The following FBXL17 variants were observed in gnomAD, a reference collection of about 807,000 sequenced individuals.
FBXL17 encodes F-box and leucine rich repeat protein 17.
In FBXL17, 22 loss-of-function variants were observed where a neutral mutation model predicts 66.2. The observed-to-expected ratio is 0.33, with a 90% CI of 0.24 to 0.47. The LOEUF is 0.47. FBXL17 is among the 20% of genes least tolerant of loss of function. FBXL17 has a pLI of 1.00. For synonymous variants in FBXL17, 474 were observed against 400.5 expected, an observed-to-expected ratio of 1.18 and a Z score of -2.19; for missense variants, 878 against 948.2, an observed-to-expected ratio of 0.93 and a Z score of 0.97.
At chr5:107,962,833 T>C (rs1256689660) in intron 7 of FBXL17, among the ~76,000 whole-genome samples, 3 of 152,082 alleles carry the variant, frequency 2.0e-5, no homozygotes, top group Non-Finnish European at 2.9e-5. Context: ...TATTTCATGA[T>C]CTATATAGAA....
At chr5:108,054,682 T>G (rs1747618030) in intron 6 of FBXL17, among the ~76,000 whole-genome samples, 1 of 152,216 alleles carries the variant, frequency 6.6e-6, no homozygotes, top group South Asian at 2.1e-4. Context: ...AAGATTTTTC[T>G]CTTATAAGGC....
intron 4 of FBXL17, among the ~76,000 whole-genome samples, chr5:108,227,803 C>G (rs191733945): frequency 2.2e-4 from 33 of 152,296 alleles, no homozygotes; most frequent in Admixed American, 2.0e-3. Context: ...TTTCCTGACA[C>G]TTAGCATTCT....
chr5:108,155,747 T>G (rs1751970605), intron 6 of FBXL17, among the ~76,000 whole-genome samples: 1 of 152,110 alleles, frequency 6.6e-6, no homozygotes, highest in Non-Finnish European at 1.5e-5. Context: ...CCATCAGAGT[T>G]CAGATATAAA....
At chr5:108,356,919 G>A (rs1016787811) in intron 3 of FBXL17, among the ~76,000 whole-genome samples, 3 of 152,026 alleles carry the variant, frequency 2.0e-5, no homozygotes, top group Non-Finnish European at 4.4e-5. Flanking sequence ...TGCATGTGAG[G>A]AATAGGAGTA....
At chr5:108,113,445 T>C (rs1314826711) in intron 6 of FBXL17, among the ~76,000 whole-genome samples, 1 of 152,166 alleles carries the variant, frequency 6.6e-6, no homozygotes, top group Non-Finnish European at 1.5e-5. Flanking sequence ...TACACATATA[T>C]ATATATAAAT....
chr5:107,896,476 A>G (rs1749386739), intron 7 of FBXL17, among the ~76,000 whole-genome samples: 1 of 152,192 alleles, frequency 6.6e-6, no homozygotes, highest in South Asian at 2.1e-4. Flanking sequence ...GTATCCACTT[A>G]AAATACTGTG....
intron 4 of FBXL17, among the ~76,000 whole-genome samples, chr5:108,281,733 C>A (rs570424723): frequency 6.6e-6 from 1 of 151,356 alleles, no homozygotes; most frequent in Non-Finnish European, 1.5e-5. Flanking sequence ...AAAGGATCAA[C>A]AAAACAAAAA....
At chr5:107,974,483 C>T (rs1040749657) in intron 7 of FBXL17, among the ~76,000 whole-genome samples, 1 of 152,176 alleles carries the variant, frequency 6.6e-6, no homozygotes, top group Middle Eastern at 3.4e-3. Flanking sequence ...AATTTCCACT[C>T]AAAAATGTGA....
intron 4 of FBXL17, among the ~76,000 whole-genome samples, chr5:108,293,080 T>C (rs1418779443): frequency 1.6e-5 from 2 of 127,278 alleles, no homozygotes; most frequent in Non-Finnish European, 3.2e-5. Flanking sequence ...AGAGCAAGAC[T>C]CTGTCTCAAA....
chr5:107,935,655 G>C (rs34211937), intron 7 of FBXL17, among the ~76,000 whole-genome samples: 1,586 of 152,040 alleles, frequency 0.01, 12 homozygotes, highest in Non-Finnish European at 0.015. Context: ...ATTTTTTCTT[G>C]GACCATTTTG....
chr5:108,295,089 A>G (rs1758289856), intron 4 of FBXL17, among the ~76,000 whole-genome samples: 1 of 152,018 alleles, frequency 6.6e-6, no homozygotes, highest in African/African-American at 2.4e-5. Flanking sequence ...AACAAAAAAT[A>G]TTTATATAAG....
intron 5 of FBXL17, among the ~76,000 whole-genome samples, chr5:108,197,998 C>T (rs1159827537): frequency 6.6e-6 from 1 of 152,088 alleles, no homozygotes; most frequent in Admixed American, 6.6e-5. Flanking sequence ...GAGAAACTTT[C>T]GTCTTTTGAG....
chr5:107,936,763 T>C (rs923835283), intron 7 of FBXL17, among the ~76,000 whole-genome samples: 3 of 152,054 alleles, frequency 2.0e-5, no homozygotes, highest in Admixed American at 6.6e-5. Context: ...TGACCTAACA[T>C]TGGACCAGTA....
intron 7 of FBXL17, among the ~76,000 whole-genome samples, chr5:107,895,759 T>G (rs1348949969): frequency 6.6e-6 from 1 of 152,184 alleles, no homozygotes; most frequent in African/African-American, 2.4e-5. Context: ...AAGTGATTAA[T>G]GAGCTAGAGC....
At chr5:108,219,561 C>T (rs1258471263) in intron 5 of FBXL17, among the ~76,000 whole-genome samples, 1 of 152,000 alleles carries the variant, frequency 6.6e-6, no homozygotes, top group Non-Finnish European at 1.5e-5. Context: ...GTGGTGGGCG[C>T]CTGTAGTCCC....
intron 4 of FBXL17, among the ~76,000 whole-genome samples, chr5:108,255,776 A>G (rs946636160): frequency 6.6e-6 from 1 of 152,170 alleles, no homozygotes; most frequent in African/African-American, 2.4e-5. Flanking sequence ...TCAAAAAAAC[A>G]TTTGTTGAGG....
At chr5:107,899,436 G>C (rs1749493703) in intron 7 of FBXL17, among the ~76,000 whole-genome samples, 1 of 152,132 alleles carries the variant, frequency 6.6e-6, no homozygotes, top group Admixed American at 6.5e-5. Context: ...GAGGCCAGGA[G>C]TTGGAGACCA....
intron 5 of FBXL17, among the ~76,000 whole-genome samples, chr5:108,203,718 G>T (rs890557149): frequency 1.3e-5 from 2 of 152,116 alleles, no homozygotes; most frequent in African/African-American, 4.8e-5. Context: ...GTAAAACAGT[G>T]TGTTCTTTCT....
chr5:107,878,666 T>C (rs1464468457), intron 8 of FBXL17: 2 of 985,344 alleles, frequency 2.0e-6, no homozygotes, highest in South Asian at 4.7e-5. Flanking sequence ...GATGGCATGA[T>C]ACAAAATCTG....
Sources: gnomAD v4.1 joint callset for allele counts (sites outside exome capture counted in the v4.1 genomes callset) on GRCh38, gnomAD v4.1.1 for gene constraint, MANE v1.5 for transcripts, NCBI Gene and HGNC (gene_info 2026-07-23, HGNC 2026-07-21) for gene names.